BCL11A: variants seen among roughly 807,000 people sequenced by gnomAD.
BCL11A encodes BCL11 transcription factor A, also known as B cell CLL/lymphoma 11A.
In BCL11A, 2 loss-of-function variants were observed where a neutral mutation model predicts 55.9. The observed-to-expected ratio is 0.04, with a 90% CI of 0.01 to 0.11. The LOEUF (loss-of-function observed/expected upper bound fraction) is 0.11. Ranked by LOEUF, BCL11A falls within the 10% of genes least tolerant of loss-of-function variation. The probability of loss-of-function intolerance (pLI) is 1.00; values close to 1 mark genes in which losing one functional copy is unlikely to be tolerated. For synonymous variants in BCL11A, 465 were observed against 473.4 expected (o/e 0.98, Z 0.23); for missense variants, 817 against 1,137.1 (o/e 0.72, Z 4.05).
chr2:60,515,808 G>A (rs917780863), intron 2 of BCL11A, among the ~76,000 whole-genome samples: 1 of 152,110 alleles, frequency 6.6e-6, no homozygotes, highest in Non-Finnish European at 1.5e-5. Context: ...CCCCATTTCT[G>A]CCCCTGACTT....
At chr2:60,530,332 TAAAAAAAAA>T (rs10699821) in intron 2 of BCL11A, among the ~76,000 whole-genome samples, 1 of 129,920 alleles carries the variant, frequency 7.7e-6, no homozygotes, top group Non-Finnish European at 1.6e-5. Flanking sequence ...TTCAGCCATT[TAAAAAAAAA>T]AAAAAAAAAG....
chr2:60,452,746 C>T, downstream of BCL11A: 1 of 1,168,802 alleles, frequency 8.6e-7, no homozygotes, highest in Non-Finnish European at 1.3e-6. Context: ...TGTTCTCTAA[C>T]TAGCTTTTTA....
At chr2:60,513,099 T>C (rs891219722) in intron 2 of BCL11A, among the ~76,000 whole-genome samples, 1 of 152,234 alleles carries the variant, frequency 6.6e-6, no homozygotes, top group South Asian at 2.1e-4. Context: ...TCAGGGATCA[T>C]GAGGACTCAC....
intron 2 of BCL11A, chr2:60,542,651 A>G (rs1296393773): frequency 6.6e-6 from 1 of 152,246 alleles, no homozygotes. Flanking sequence ...ATTAACATCT[A>G]TGTGTACAGC....
intron 2 of BCL11A, among the ~76,000 whole-genome samples, chr2:60,501,130 A>G (rs991120123): frequency 6.6e-6 from 1 of 152,218 alleles, no homozygotes; most frequent in Non-Finnish European, 1.5e-5. Context: ...CTGTTTCTGG[A>G]AAGTTGTTGG....
rs117501584 is a variant in BCL11A at position 60,522,313 on chromosome 2, T to C, written c.385+23658A>G. 43 of 152,354 alleles carry C rather than the reference T, an allele frequency of 2.8e-4. No individual in the cohort carries two copies. The East Asian group carries it at 7.5e-3, about 27-fold the overall frequency. 9.4% of individuals were successfully genotyped at this position (152,354 alleles called of 1,614,324 possible). ...CATCAGTAAACACCTCTGTATGTAT[T>C]TTTTAAACATAGGAACTCGTTTTTT... On this transcript the variant is annotated intron_variant, in intron 2 of 3. Coordinates refer to ENST00000642384, the MANE Select transcript of BCL11A (RefSeq NM_022893.4).
At chr2:60,478,962 T>C (rs1012857245) in intron 2 of BCL11A, among the ~76,000 whole-genome samples, 3 of 117,102 alleles carry the variant, frequency 2.6e-5, no homozygotes, top group African/African-American at 9.0e-5. Flanking sequence ...ACGTGCTTTG[T>C]TTTTTGTTTT....
At chr2:60,504,103 A>C (rs936448040) in intron 2 of BCL11A, among the ~76,000 whole-genome samples, 1 of 152,204 alleles carries the variant, frequency 6.6e-6, no homozygotes, top group Non-Finnish European at 1.5e-5. Flanking sequence ...CACTGCCCCC[A>C]TGACATAGGG....
intron 1 of BCL11A, among the ~76,000 whole-genome samples, chr2:60,552,717 C>T (rs563823345): frequency 1.3e-5 from 2 of 152,282 alleles, no homozygotes; most frequent in South Asian, 4.1e-4. Flanking sequence ...CCAGTCTCAC[C>T]TCTTTTCTCC....
rs1175771790 is a variant in BCL11A, at chr2:60,460,701, C to T, written c.2211G>A (p.Glu737=). Residue 737 remains glutamate (E), a synonymous_variant, in exon 4 of 4, where the codon GAG becomes GAA. Coordinates refer to ENST00000642384, the MANE Select transcript of BCL11A (RefSeq NM_022893.4). ...ACTCACAAGTGTCGCTGCGTCTGCC[C>T]TCTTTTGAGCTGGGCCTGCCCGGGC... is the stretch of plus-strand genomic sequence containing the variant. ...GPGPGRPSSK[E]GRRSDTCEYC... 1 of 1,614,202 alleles carries T rather than the reference C, an allele frequency of 6.2e-7. No homozygotes were observed. Among genetic ancestry groups the T allele is most frequent in the Admixed American group, 1.7e-5 (1 of 60,034 alleles).
chr2:60,548,127 A>G (rs746172626), intron 1 of BCL11A, among the ~76,000 whole-genome samples: 1 of 152,226 alleles, frequency 6.6e-6, no homozygotes, highest in South Asian at 2.1e-4. Context: ...AGTGAGGAAT[A>G]GGGAACTCAT....
rs753635659 is a variant in BCL11A at position 60,553,271 on chromosome 2, G to C, written c.-1C>G. 5.1e-6 allele frequency: 8 copies of C among 1,579,306 alleles called. No homozygotes were observed. Among genetic ancestry groups the C allele is most frequent in the Non-Finnish European group, 6.8e-6 (8 of 1,169,066 alleles). ...GTTTGCCTTGCTTGCGGCGAGACATGGTGGGCTGCGGGGCGGGCGGCGGCG... is the reference window on the plus strand; with the variant it reads ...GTTTGCCTTGCTTGCGGCGAGACATCGTGGGCTGCGGGGCGGGCGGCGGCG... On this transcript the variant is annotated 5_prime_UTR_variant, in exon 1 of 4. Coordinates refer to ENST00000642384, the MANE Select transcript of BCL11A (RefSeq NM_022893.4).
At chr2:60,510,775 T>C (rs1444391683) in intron 2 of BCL11A, among the ~76,000 whole-genome samples, 1 of 152,198 alleles carries the variant, frequency 6.6e-6, no homozygotes, top group Non-Finnish European at 1.5e-5. Flanking sequence ...TATAAAACTG[T>C]CAGGCAGCCC....
At chr2:60,484,035 T>C (rs1678122041) in intron 2 of BCL11A, 1 of 152,250 alleles carries the variant, frequency 6.6e-6, no homozygotes, top group African/African-American at 2.4e-5. Context: ...ACAGCTTTAC[T>C]CTAATTTAGA....
intron 2 of BCL11A, among the ~76,000 whole-genome samples, chr2:60,482,170 A>C (rs74743473): frequency 6.6e-6 from 1 of 151,752 alleles, no homozygotes; most frequent in Non-Finnish European, 1.5e-5. Context: ...CTATCTTGAG[A>C]GTTTAGTTTG....
intron 2 of BCL11A, chr2:60,528,128 C>G (rs1444003527): frequency 6.5e-6 from 1 of 152,706 alleles, no homozygotes; most frequent in Non-Finnish European, 1.5e-5. Context: ...CAGAACCCAT[C>G]GTCCTAAGAA....
At chr2:60,467,624 GTAA>G (rs1457171322) in intron 3 of BCL11A, among the ~76,000 whole-genome samples, 3 of 76,412 alleles carry the variant, frequency 3.9e-5, no homozygotes, top group Non-Finnish European at 8.3e-5. Flanking sequence ...GATGGTGGTG[GTAA>G]TGGTGGTGGT....
At chr2:60,452,766 A>G, downstream of BCL11A, 1 of 920,282 alleles carries the variant, frequency 1.1e-6, no homozygotes. Flanking sequence ...AAAAATTAGA[A>G]CTTAAACCAA....
At position 60,489,143 on chromosome 2, in the gene BCL11A, C is replaced by CATTTAA. The variant is rs1303335650; in HGVS notation, c.386-20311_386-20310insTTAAAT. 3.9e-5 allele frequency among the ~76,000 whole-genome samples: 6 copies of CATTTAA among 152,274 alleles called. No individual in the cohort carries two copies. The East Asian group carries it at 1.2e-3, about 29-fold the overall frequency. On this transcript the variant is annotated intron_variant, in intron 2 of 3. Coordinates refer to ENST00000642384, the MANE Select transcript of BCL11A (RefSeq NM_022893.4). ...TGGTCAAAATGTTTCTAAAGGGTAC[C>CATTTAA]TTAGACCCCAATTAAACTGTTGCTT...
Sources: gnomAD v4.1 joint callset for allele counts (sites outside exome capture counted in the v4.1 genomes callset) on GRCh38, gnomAD v4.1.1 for gene constraint, MANE v1.5 for transcripts, NCBI Gene and HGNC (gene_info 2026-07-23, HGNC 2026-07-21) for gene names.